Variants in PDE7B observed in about 807,000 individuals in gnomAD.
PDE7B encodes the protein 3',5'-cyclic-AMP phosphodiesterase 7B.
Under a neutral mutation model 56.2 loss-of-function variants are expected in PDE7B, and 29 were observed. The ratio of observed to expected loss-of-function variants is 0.52; its 90% CI spans 0.38 to 0.70. The LOEUF is 0.70. Among genes scored for constraint, PDE7B ranks in the 30% least tolerant of loss-of-function variants. PDE7B has a pLI of 0.00. For missense variants in PDE7B, 490 were observed against 565.0 expected (o/e 0.87, Z 1.35); for synonymous variants, 197 against 196.9 (o/e 1.00, Z 0.00).
intron 8 of PDE7B, among the ~76,000 whole-genome samples, chr6:136,157,757 C>CT (rs1778633749): frequency 6.6e-6 from 1 of 152,078 alleles, no homozygotes; most frequent in South Asian, 2.1e-4. Context: ...TAAACTGGGC[C>CT]TTAAAGTGTG....
chr6:136,108,901 C>T (rs567736901), intron 3 of PDE7B, 87 bp downstream of exon 3: 1 of 854,256 alleles, frequency 1.2e-6, no homozygotes, highest in South Asian at 1.3e-5. Context: ...AACTTCGAAA[C>T]CTTCTGGGGT....
intron 1 of PDE7B, among the ~76,000 whole-genome samples, chr6:135,888,377 T>C (rs1490046476): frequency 6.6e-6 from 1 of 152,176 alleles, no homozygotes; most frequent in African/African-American, 2.4e-5. Context: ...AGAGCTATGC[T>C]ACTGGATAAT....
intron 1 of PDE7B, among the ~76,000 whole-genome samples, chr6:135,928,489 A>ATATATATATATATTTATATATATATATT (rs1774236314): frequency 1.2e-5 from 1 of 81,764 alleles, no homozygotes; most frequent in Admixed American, 1.8e-4. Flanking sequence ...ATATTTATTT[A>ATATATATATATATTTATATATATATATT]TATATATATA....
At chr6:136,123,944 T>C (rs1034709890) in intron 3 of PDE7B, among the ~76,000 whole-genome samples, 1 of 152,204 alleles carries the variant, frequency 6.6e-6, no homozygotes, top group African/African-American at 2.4e-5. Context: ...AATAGCTGGA[T>C]GTATAAGAAA....
chr6:136,186,923 G>T (rs753302504), intron 11 of PDE7B, 113 bp from the exon 12 acceptor site: 4 of 696,438 alleles, frequency 5.7e-6, no homozygotes, highest in Admixed American at 2.3e-5. Context: ...AACAAGTCAG[G>T]AAACAGTAAT....
chr6:136,006,783 T>C (rs1775792709), intron 2 of PDE7B, among the ~76,000 whole-genome samples: 1 of 152,192 alleles, frequency 6.6e-6, no homozygotes, highest in African/African-American at 2.4e-5. Flanking sequence ...TTTGCTGAAG[T>C]TGTTTATCAG....
intron 3 of PDE7B, among the ~76,000 whole-genome samples, chr6:136,122,305 C>G (rs569852893): frequency 2.0e-5 from 3 of 152,278 alleles, no homozygotes; most frequent in South Asian, 4.1e-4. Context: ...ATAATTTAAT[C>G]TTTTTTAAAT....
At chr6:136,098,788 T>A (rs1583880112) in intron 2 of PDE7B, among the ~76,000 whole-genome samples, 2 of 151,266 alleles carry the variant, frequency 1.3e-5, no homozygotes, top group African/African-American at 2.5e-5. Context: ...TTTTTTTTTT[T>A]ATTATTCTTA....
At chr6:135,897,307 G>A (rs1236768793) in intron 1 of PDE7B, among the ~76,000 whole-genome samples, 2 of 151,924 alleles carry the variant, frequency 1.3e-5, no homozygotes, top group Non-Finnish European at 2.9e-5. Flanking sequence ...TGTAGGCGGA[G>A]GAAGGAGGGA....
chr6:136,022,857 C>A (rs1776094414), intron 2 of PDE7B, among the ~76,000 whole-genome samples: 1 of 152,138 alleles, frequency 6.6e-6, no homozygotes, highest in African/African-American at 2.4e-5. Flanking sequence ...CCTTCTGGAT[C>A]AGATTCACTT....
chr6:135,936,634 TGA>T (rs1205933796), intron 1 of PDE7B, among the ~76,000 whole-genome samples: 1 of 151,914 alleles, frequency 6.6e-6, no homozygotes, highest in African/African-American at 2.4e-5. Context: ...CCTCTGAAGG[TGA>T]GAGTCAAGTC....
intron 11 of PDE7B, among the ~76,000 whole-genome samples, chr6:136,186,367 G>T (rs1457994158): frequency 6.6e-6 from 1 of 152,134 alleles, no homozygotes; most frequent in Non-Finnish European, 1.5e-5. Flanking sequence ...GTTTGAGGCT[G>T]CAGTGAGCCA....
At chr6:135,951,772 G>C (rs1055566903) in intron 2 of PDE7B, among the ~76,000 whole-genome samples, 1 of 151,938 alleles carries the variant, frequency 6.6e-6, no homozygotes, top group East Asian at 1.9e-4. Context: ...TTTGTCTCAT[G>C]TATGATTTCT....
At chr6:135,916,817 C>T (rs1315145872) in intron 1 of PDE7B, among the ~76,000 whole-genome samples, 1 of 151,952 alleles carries the variant, frequency 6.6e-6, no homozygotes, top group Non-Finnish European at 1.5e-5. Context: ...ATGTTTTCTT[C>T]CTATCCATGG....
chr6:136,049,083 G>A (rs1776574130), intron 2 of PDE7B: 1 of 152,570 alleles, frequency 6.6e-6, no homozygotes. Flanking sequence ...ATTTCTTCCA[G>A]TACTTAGATT....
chr6:135,906,772 T>A (rs1776112636), intron 1 of PDE7B, among the ~76,000 whole-genome samples: 1 of 148,324 alleles, frequency 6.7e-6, no homozygotes, highest in South Asian at 2.2e-4. Flanking sequence ...GCAGAAACAT[T>A]TACATGTCTT....
chr6:136,086,365 T>G (rs888327262), intron 2 of PDE7B, among the ~76,000 whole-genome samples: 5 of 150,750 alleles, frequency 3.3e-5, no homozygotes, highest in Non-Finnish European at 7.4e-5. Context: ...TTTTATTTTT[T>G]GGGGTGGGGG....
intron 1 of PDE7B, among the ~76,000 whole-genome samples, chr6:135,928,528 T>TAC (rs747659706): frequency 0.013 from 1,777 of 134,620 alleles, 51 homozygotes; most frequent in African/African-American, 0.043. Context: ...TTTATATATA[T>TAC]ACACACACAC....
intron 8 of PDE7B, chr6:136,155,987 C>T (rs752906189): frequency 2.5e-5 from 16 of 652,728 alleles, no homozygotes; most frequent in Non-Finnish European, 4.6e-5. Flanking sequence ...GGAATTAGCT[C>T]ATGTCGATAC....
Sources: gnomAD v4.1 joint callset for allele counts (sites outside exome capture counted in the v4.1 genomes callset) on GRCh38, gnomAD v4.1.1 for gene constraint, MANE v1.5 for transcripts, NCBI Gene and HGNC (gene_info 2026-07-23, HGNC 2026-07-21) for gene names.